The following CATSPERD variants were observed in gnomAD, a reference collection of about 807,000 sequenced individuals.
CATSPERD encodes the protein cation channel sperm-associated auxiliary subunit delta.
CATSPERD carries 86 observed loss-of-function variants against 98.1 expected under a neutral mutation model. That is an observed-to-expected ratio of 0.88 (90% CI 0.74 to 1.05). CATSPERD has a LOEUF of 1.05. Ranked by LOEUF, CATSPERD falls within the 50% of genes least tolerant of loss-of-function variation. The pLI, the probability that CATSPERD is intolerant of heterozygous loss-of-function variation, is 0.00. For missense variants in CATSPERD, 995 were observed against 1,005.7 expected (o/e 0.99, Z 0.14); for synonymous variants, 394 against 390.2 (o/e 1.01, Z -0.12).
rs748916330 is a variant in CATSPERD, at chr19:5,754,116, T to C, written c.1165-16T>C. ...ACAGGAGCATGATTATCTTTCTTCT[T>C]CGCCTTTTTAACTAGATAGAGTTTC... On this transcript the variant is annotated splice_polypyrimidine_tract_variant and intron_variant, in intron 12 of 21. Transcript: ENST00000381624. 19 of 1,525,490 alleles carry C rather than the reference T, an allele frequency of 1.2e-5. No individual in the cohort carries two copies. The Admixed American group carries it at 1.5e-4, about 12-fold the overall frequency. The allele number at this position is 1,525,490 out of a possible 1,614,324, so 94.5% of individuals were successfully genotyped here. A position where few individuals can be genotyped will look rare whatever the true frequency, so the allele number is the denominator to read the frequency against.
intron 7 of CATSPERD, among the ~76,000 whole-genome samples, chr19:5,742,548 G>A (rs112707472): frequency 0.16 from 23,577 of 151,594 alleles, 1,997 homozygotes; most frequent in Middle Eastern, 0.25. Flanking sequence ...TTGGGAGGCC[G>A]AGGAAGGAGG....
chr19:5,766,297 A>AAC (rs1395258592), intron 17 of CATSPERD, 142 bp downstream of exon 17: 2 of 505,820 alleles, frequency 4.0e-6, no homozygotes, highest in Admixed American at 4.0e-5. Context: ...CTGAAAAAAA[A>AAC]AAAAAAAATT....
intron 6 of CATSPERD, among the ~76,000 whole-genome samples, chr19:5,737,887 AC>A (rs1370413848): frequency 1.3e-5 from 2 of 151,364 alleles, no homozygotes; most frequent in Non-Finnish European, 2.9e-5. Context: ...AGAAATAAGG[AC>A]AGTGTAAGGC....
At chr19:5,773,022 G>T (rs1228226553) in intron 20 of CATSPERD, 57 bp downstream of exon 20, 5 of 1,546,776 alleles carry the variant, frequency 3.2e-6, no homozygotes, top group Non-Finnish European at 3.5e-6. Flanking sequence ...GGGGGTGGGA[G>T]AGTGCGTGAG....
rs936406933 is a variant in CATSPERD at position 5,742,610 on chromosome 19, A to AC, written c.574-1811dup. On this transcript the variant is annotated intron_variant, in intron 7 of 21. Transcript: ENST00000381624. ...CAGCCTGGGGAACATAGTGAGACCCACCCCCCACCATATCTACAAAAAATT... is the reference window on the plus strand; with the variant it reads ...CAGCCTGGGGAACATAGTGAGACCCACCCCCCCACCATATCTACAAAAAATT... 4.0e-5 allele frequency among the ~76,000 whole-genome samples: 6 copies of AC among 151,538 alleles called. No individual in the cohort carries two copies. The South Asian group carries it at 1.0e-3, about 26-fold the overall frequency.
At chr19:5,746,559 G>T (rs977087331) in intron 9 of CATSPERD, among the ~76,000 whole-genome samples, 5 of 151,992 alleles carry the variant, frequency 3.3e-5, no homozygotes, top group African/African-American at 1.2e-4. Flanking sequence ...CTCCCTAGTA[G>T]CTGGGACTAC....
At chr19:5,727,180 G>A (rs1295726768) in intron 2 of CATSPERD, 88 bp from the exon 3 acceptor site, 8 of 983,340 alleles carry the variant, frequency 8.1e-6, no homozygotes, top group Non-Finnish European at 1.3e-5. Flanking sequence ...GGGCAACAGA[G>A]CGAGACTCTT....
At chr19:5,730,209 A>C (rs1029860530) in intron 4 of CATSPERD, among the ~76,000 whole-genome samples, 1 of 152,164 alleles carries the variant, frequency 6.6e-6, no homozygotes, top group Admixed American at 6.6e-5. Flanking sequence ...TATATTATAA[A>C]TAGATAGATG....
chr19:5,745,203 G>A (rs1282374549), intron 8 of CATSPERD, among the ~76,000 whole-genome samples: 1 of 151,040 alleles, frequency 6.6e-6, no homozygotes, highest in Non-Finnish European at 1.5e-5. Context: ...CCGCCGCCGC[G>A]GCCTCCCCCA....
Position 5,751,738 on chromosome 19 carries a change from C to A in CATSPERD, c.1079C>A (p.Ala360Asp). The A allele has an allele frequency of 1.9e-6, 3 of 1,613,840 alleles. No individual in the cohort carries two copies. The highest frequency in any genetic ancestry group is 2.5e-6 in the Non-Finnish European group (3 of 1,179,960). ...ATACTGACCCCACTGCGTGACACAG[C>A]CTTTCCAGCTTTTGATTTCCAGAAG... is the stretch of plus-strand genomic sequence containing the variant. ...LEILTPLRDTAFPAFDFQKCL... is the reference protein window; with the variant it reads ...LEILTPLRDTDFPAFDFQKCL... The change falls in exon 12 of 22, where the codon GCC becomes GAC. Residue 360 changes from alanine (A) to aspartate (D), a missense_variant. Around this residue, in one of 3 missense-constraint regions of CATSPERD, gnomAD observed 762 missense variants for 773.7 expected, o/e 0.98. Coordinates refer to ENST00000381624, the MANE Select transcript of CATSPERD (RefSeq NM_152784.4).
intron 1 of CATSPERD, among the ~76,000 whole-genome samples, chr19:5,721,750 A>C (rs2055484853): frequency 6.6e-6 from 1 of 151,588 alleles, no homozygotes; most frequent in Non-Finnish European, 1.5e-5. Flanking sequence ...TTTGAGAGGT[A>C]GAGGTGGGCA....
chr19:5,766,254 C>T lies in CATSPERD; in HGVS notation c.1559+99C>T, dbSNP rs1355012317. On this transcript the variant is annotated intron_variant, in intron 17 of 21. Coordinates refer to ENST00000381624, the MANE Select transcript of CATSPERD (RefSeq NM_152784.4). ...TCACTTCAGGTCAGGAGTTCAAGAC[C>T]AGCCTGGCCAACATGGCGAAACCCC... 1.5e-5 allele frequency: 12 copies of T among 786,028 alleles called. No individual in the cohort carries two copies. In the African/African-American group the frequency reaches 1.8e-4, roughly 12 times the overall value. The allele number at this position is 786,028 out of a possible 1,614,324, so 48.7% of individuals were successfully genotyped here. A position where few individuals can be genotyped will look rare whatever the true frequency, so the allele number is the denominator to read the frequency against.
intron 17 of CATSPERD, among the ~76,000 whole-genome samples, chr19:5,767,365 T>G (rs1281935935): frequency 2.7e-5 from 4 of 146,546 alleles, no homozygotes; most frequent in African/African-American, 1.0e-4. Context: ...AACGGCAAAG[T>G]GCAGAGCCAT....
rs1485575952 is a variant in CATSPERD at position 5,774,688 on chromosome 19, CA to C, written c.1942-1467del. On this transcript the variant is annotated intron_variant, in intron 20 of 21. Transcript: ENST00000381624. The stretch of plus-strand genomic sequence containing the variant: ...TGGGCAACAGAGCGAGGCTGTTTCT[CA>C]AAAAAGTAACATAAAATAAAATTTA... Among the ~76,000 whole-genome samples, 9 of 151,324 alleles carry C rather than the reference CA, an allele frequency of 5.9e-5. No homozygotes were observed. The East Asian group carries it at 1.6e-3, about 26-fold the overall frequency.
intron 14 of CATSPERD, 104 bp from the exon 15 acceptor site, chr19:5,758,982 C>T: frequency 3.0e-6 from 3 of 991,968 alleles, no homozygotes; most frequent in Non-Finnish European, 4.8e-6. Context: ...CCAGGTTCGT[C>T]CCCCCATGTC....
chr19:5,729,991 T>G, intron 4 of CATSPERD, 47 bp downstream of exon 4: 1 of 1,116,798 alleles, frequency 9.0e-7, no homozygotes, highest in East Asian at 2.4e-5. Context: ...ATAAGTAATA[T>G]TTGGGGGAAA....
intron 18 of CATSPERD, among the ~76,000 whole-genome samples, chr19:5,770,050 C>T (rs1174653487): frequency 6.7e-6 from 1 of 148,708 alleles, no homozygotes; most frequent in Non-Finnish European, 1.5e-5. Flanking sequence ...GATCACGCCA[C>T]TGCACTCCAG....
chr19:5,736,361 C>T (rs2386593), intron 5 of CATSPERD, among the ~76,000 whole-genome samples: 55,101 of 152,090 alleles, frequency 0.36, 10,442 homozygotes, highest in Non-Finnish European at 0.43. Context: ...GGAAACTCCT[C>T]GCAAGTGAGA....
chr19:5,732,123 G>A (rs867905003), intron 4 of CATSPERD, among the ~76,000 whole-genome samples: 13 of 151,394 alleles, frequency 8.6e-5, no homozygotes, highest in Admixed American at 6.0e-4. Context: ...CCCAAAATTA[G>A]CCACCACGCC....
Sources: allele counts gnomAD v4.1 joint callset (sites outside exome capture counted in the v4.1 genomes callset), GRCh38; gene constraint gnomAD v4.1.1; regional missense constraint gnomAD v4.1.1; transcripts MANE v1.5; gene names NCBI Gene and HGNC (gene_info 2026-07-23, HGNC 2026-07-21).